PPM1H: variants seen among roughly 807,000 people sequenced by gnomAD.
PPM1H encodes protein phosphatase, Mg2+/Mn2+ dependent 1H.
In PPM1H, 27 loss-of-function variants were observed where a neutral mutation model predicts 54.9. The ratio of observed to expected loss-of-function variants is 0.49; its 90% CI spans 0.36 to 0.68. PPM1H has a LOEUF of 0.68. Ranked by LOEUF, PPM1H falls within the 30% of genes least tolerant of loss-of-function variation. PPM1H has a pLI of 0.00. For missense variants in PPM1H, 596 were observed against 667.8 expected, an observed-to-expected ratio of 0.89 and a Z score of 1.19; for synonymous variants, 305 against 270.8, an observed-to-expected ratio of 1.13 and a Z score of -1.24.
Position 62,801,965 on chromosome 12 carries a change from T to C in PPM1H, c.607A>G (p.Ser203Gly). 1.2e-6 allele frequency: 2 copies of C among 1,612,798 alleles called. No homozygotes were observed. Among genetic ancestry groups the C allele is most frequent in the East Asian group, 4.5e-5 (2 of 44,846 alleles). Residue 203 changes from serine (S) to glycine (G), a missense_variant, in exon 3 of 10, where the codon AGC (serine) becomes GGC (glycine). By Grantham distance (56) the Ser-to-Gly change is moderately conservative. Transcript: ENST00000228705. Reference protein sequence around the residue: ...GEEPENTPANSRTLTRAASLR... With the variant: ...GEEPENTPANGRTLTRAASLR... ...GAGGCTGCCCGGGTCAGAGTCCGGC[T>C]GTTGGCGGGCGTGTTCTCAGGCTCC... is the stretch of plus-strand genomic sequence containing the variant.
At chr12:62,686,512 T>C (rs1369181960) in intron 8 of PPM1H, among the ~76,000 whole-genome samples, 1 of 152,150 alleles carries the variant, frequency 6.6e-6, no homozygotes, top group African/African-American at 2.4e-5. Flanking sequence ...TCAATGGCAT[T>C]CAAAAAGAGA....
rs112506594 is a variant in PPM1H, at chr12:62,860,843, G to T, written c.246-28564C>A. ...AAGTTTCCTCGCCACAGAAACAATG[G>T]GGTTGTTGGATGAACATGGCTTAAC... On this transcript the variant is annotated intron_variant, in intron 1 of 9. Transcript: ENST00000228705. Among the ~76,000 whole-genome samples, 12 of 152,318 alleles carry T rather than the reference G, an allele frequency of 7.9e-5. 1 individual carries two copies. Among genetic ancestry groups the T allele is most frequent in the African/African-American group, 2.9e-4 (12 of 41,576 alleles).
intron 9 of PPM1H, among the ~76,000 whole-genome samples, chr12:62,665,708 CTT>C: frequency 6.6e-6 from 1 of 152,136 alleles, no homozygotes; most frequent in Middle Eastern, 3.4e-3. Flanking sequence ...TTTTTAGTCT[CTT>C]TTAAGACTCC....
chr12:62,655,520 G>A lies in PPM1H; in HGVS notation c.1398-6884C>T, dbSNP rs146578936. 2.0e-3 allele frequency among the ~76,000 whole-genome samples: 311 copies of A among 152,318 alleles called. 3 individuals are homozygous for A. The East Asian group carries it at 0.054, about 27-fold the overall frequency. On this transcript the variant is annotated intron_variant, in intron 9 of 9. Transcript: ENST00000228705. ...AAGGCTTTATTGGTTTTGTTATTGA[G>A]GCTGAACACAAGGGCATTTAGGTGC...
intron 1 of PPM1H, among the ~76,000 whole-genome samples, chr12:62,839,521 C>G (rs1868640633): frequency 6.6e-6 from 1 of 152,088 alleles, no homozygotes; most frequent in Non-Finnish European, 1.5e-5. Flanking sequence ...GAGGCTGACT[C>G]CCGCGAGATA....
intron 5 of PPM1H, among the ~76,000 whole-genome samples, chr12:62,732,190 G>A (rs182244706): frequency 5.3e-5 from 8 of 152,278 alleles, no homozygotes; most frequent in East Asian, 1.9e-4. Context: ...CACATTCCGT[G>A]TGAACATGTC....
chr12:62,811,214 A>T (rs1330577696), intron 2 of PPM1H, among the ~76,000 whole-genome samples: 1 of 152,194 alleles, frequency 6.6e-6, no homozygotes, highest in Non-Finnish European at 1.5e-5. Context: ...ATATGTATCT[A>T]TGCACGCATT....
chr12:62,779,640 T>C (rs2076630276), intron 4 of PPM1H, among the ~76,000 whole-genome samples: 1 of 152,188 alleles, frequency 6.6e-6, no homozygotes, highest in Admixed American at 6.5e-5. Context: ...TTGACAACAC[T>C]CAGTACAGAA....
At chr12:62,682,140 TA>T (rs542430537) in intron 8 of PPM1H, among the ~76,000 whole-genome samples, 24 of 152,364 alleles carry the variant, frequency 1.6e-4, no homozygotes, top group Admixed American at 3.9e-4. Context: ...GGAAATTCTT[TA>T]AAACAAATTT....
Position 62,802,097 on chromosome 12 carries a change from C to G in PPM1H, c.475G>C (p.Ala159Pro). The G allele has an allele frequency of 6.2e-7, 1 of 1,607,480 alleles. No homozygotes were observed. Among genetic ancestry groups the G allele is most frequent in the Non-Finnish European group, 8.5e-7 (1 of 1,176,862 alleles). The change falls in exon 3 of 10, where the codon GCG becomes CCG. Residue 159 changes from alanine (A) to proline (P), a missense_variant. Ala to Pro is a conservative substitution (Grantham distance 27). This residue lies in a region of PPM1H where 382 missense variants were observed against 387.1 expected (regional missense o/e 0.99). Coordinates refer to ENST00000228705, the MANE Select transcript of PPM1H (RefSeq NM_020700.2). ...LFDGHAGSGA[A>P]VVASRLLQHH... ...TGCAGCAGGCGTGACGCCACCACCG[C>G]GGCCCCGGACCCCGCGTGCCCGTCA...
At chr12:62,914,092 G>GAA (rs2121146963) in intron 1 of PPM1H, among the ~76,000 whole-genome samples, 2 of 152,306 alleles carry the variant, frequency 1.3e-5, no homozygotes, top group South Asian at 4.1e-4. Flanking sequence ...CCCCAATGTT[G>GAA]AAATTGGAGC....
Position 62,647,527 on chromosome 12 carries a change from T to G in PPM1H, c.*962A>C, listed in dbSNP as rs17732506. 5,533 of 152,162 alleles carry G rather than the reference T, an allele frequency of 0.036. 139 individuals are homozygous for G. Among genetic ancestry groups the G allele is most frequent in the Middle Eastern group, 0.054 (16 of 296 alleles). The allele number at this position is 152,162 out of a possible 1,614,324, so 9.4% of individuals were successfully genotyped here. A position where few individuals can be genotyped will look rare whatever the true frequency, so the allele number is the denominator to read the frequency against. On this transcript the variant is annotated 3_prime_UTR_variant, in exon 10 of 10. Coordinates refer to ENST00000228705, the MANE Select transcript of PPM1H (RefSeq NM_020700.2). ...TCTATTAAACACTGCTTTATATGTG[T>G]CCCCATGATACAGAAAAGTGGGATG...
chr12:62,704,400 A>AT (rs929213276), intron 6 of PPM1H, among the ~76,000 whole-genome samples: 1 of 152,180 alleles, frequency 6.6e-6, no homozygotes, highest in African/African-American at 2.4e-5. Context: ...ATTTTGGCTC[A>AT]TTGGGTTCCT....
chr12:62,737,798 TTA>T (rs1379544135), intron 4 of PPM1H, among the ~76,000 whole-genome samples: 2 of 152,138 alleles, frequency 1.3e-5, no homozygotes, highest in African/African-American at 4.8e-5. Context: ...TAGCTTATGT[TTA>T]TGTTTTCTGC....
chr12:62,671,988 G>C (rs2136617602), intron 8 of PPM1H, among the ~76,000 whole-genome samples: 1 of 152,218 alleles, frequency 6.6e-6, no homozygotes, highest in South Asian at 2.1e-4. Context: ...TCGATTTATG[G>C]CCCTGTCCTG....
chr12:62,805,105 T>C (rs500505), intron 2 of PPM1H, among the ~76,000 whole-genome samples: 20,622 of 152,176 alleles, frequency 0.14, 1,930 homozygotes, highest in African/African-American at 0.27. Context: ...CTAACAAGTA[T>C]ATGAAAACAT....
intron 1 of PPM1H, among the ~76,000 whole-genome samples, chr12:62,887,201 C>T (rs545256257): frequency 6.6e-6 from 1 of 152,174 alleles, no homozygotes; most frequent in Non-Finnish European, 1.5e-5. Flanking sequence ...GCAGAAAATA[C>T]ACTGGTAGTA....
chr12:62,737,808 T>G (rs1176702841), intron 4 of PPM1H, among the ~76,000 whole-genome samples: 1 of 152,224 alleles, frequency 6.6e-6, no homozygotes, highest in Non-Finnish European at 1.5e-5. Context: ...TTATGTTTTC[T>G]GCTAGCTGGA....
chr12:62,920,353 G>A (rs569210987), intron 1 of PPM1H, among the ~76,000 whole-genome samples: 1 of 151,994 alleles, frequency 6.6e-6, no homozygotes, highest in Non-Finnish European at 1.5e-5. Flanking sequence ...TTGAGACAGG[G>A]TCTCACTCTG....
Sources: gnomAD v4.1 joint callset for allele counts (sites outside exome capture counted in the v4.1 genomes callset) on GRCh38, gnomAD v4.1.1 for gene constraint, gnomAD v4.1.1 regional missense constraint, MANE v1.5 for transcripts, NCBI Gene and HGNC (gene_info 2026-07-23, HGNC 2026-07-21) for gene names.